Variants in YTHDF1 observed in about 807,000 individuals in gnomAD.
YTHDF1 encodes YTH N6-methyladenosine RNA binding protein F1, also known as YTH domain-containing family protein 1.
A neutral mutation model predicts 49.1 loss-of-function variants in YTHDF1; 16 were observed. The ratio of observed to expected loss-of-function variants is 0.33; its 90% CI spans 0.22 to 0.49. YTHDF1 has a LOEUF of 0.49. Ranked by LOEUF, YTHDF1 falls within the 20% of genes least tolerant of loss-of-function variation. The probability of loss-of-function intolerance (pLI) is 0.99; values close to 1 mark genes in which losing one functional copy is unlikely to be tolerated. For missense variants in YTHDF1, 621 were observed against 744.3 expected, an observed-to-expected ratio of 0.83 and a Z score of 1.93; for synonymous variants, 313 against 290.1, an observed-to-expected ratio of 1.08 and a Z score of -0.80.
intron 2 of YTHDF1, chr20:63,214,170 A>C: frequency 3.2e-6 from 3 of 933,958 alleles, no homozygotes; most frequent in Non-Finnish European, 3.8e-6. Flanking sequence ...CTTAATCGTA[A>C]TTTGGTGAGA....
intron 2 of YTHDF1, chr20:63,214,225 C>T (rs566847350): frequency 1.5e-6 from 1 of 652,446 alleles, no homozygotes; most frequent in African/African-American, 2.0e-5. Context: ...AACACATAAC[C>T]AGGGTGAAAA....
intron 3 of YTHDF1, among the ~76,000 whole-genome samples, chr20:63,213,496 C>T (rs1051869657): frequency 6.6e-6 from 1 of 152,204 alleles, no homozygotes; most frequent in Non-Finnish European, 1.5e-5. Context: ...CAGCTCTTAG[C>T]TGCCTCCCCA....
At chr20:63,199,336 G>A (rs193097033) in intron 4 of YTHDF1, among the ~76,000 whole-genome samples, 4 of 152,054 alleles carry the variant, frequency 2.6e-5, no homozygotes, top group East Asian at 3.9e-4. Context: ...TGGCTAACAC[G>A]GTGAAACCCC....
chr20:63,202,148 C>A (rs114917685), intron 4 of YTHDF1, 139 bp downstream of exon 4: 28,706 of 1,185,958 alleles, frequency 0.024, 439 homozygotes, highest in Middle Eastern at 0.039. Context: ...GGCCCGCCCA[C>A]CTGCGGCCAA....
Position 63,205,012 on chromosome 20 carries a change from A to G in YTHDF1, c.133-1205T>C, listed in dbSNP as rs574351544. 1.4e-4 allele frequency among the ~76,000 whole-genome samples: 21 copies of G among 152,102 alleles called. No individual in the cohort carries two copies. In the East Asian group the frequency reaches 3.9e-3, roughly 28 times the overall value. ...TGAGAGTGCCAAGATGCTATTACAG[A>G]AAACAGAGCCGGAAGTAAAACACGG... On this transcript the variant is annotated intron_variant, in intron 3 of 4. Transcript: ENST00000370339.
Position 63,202,356 on chromosome 20 carries a change from G to A in YTHDF1, c.1584C>T (p.His528=), listed in dbSNP as rs1378892415. 1.9e-6 allele frequency: 3 copies of A among 1,614,280 alleles called. No homozygotes were observed. Among genetic ancestry groups the A allele is most frequent in the East Asian group, 2.2e-5 (1 of 44,888 alleles). The stretch of plus-strand genomic sequence containing the variant: ...CAAAGTCGTCGAAGATGGAGGTTGT[G>A]TGCTTGTAGGAACTGATAATTTTCA... ...QVLKIISSYK[H]TTSIFDDFAH... Residue 528 remains histidine (H), a synonymous_variant, in exon 4 of 5, where the codon CAC becomes CAT. Coordinates refer to ENST00000370339, the MANE Select transcript of YTHDF1 (RefSeq NM_017798.4).
intron 4 of YTHDF1, among the ~76,000 whole-genome samples, chr20:63,201,479 G>C (rs2122974835): frequency 6.6e-6 from 1 of 152,310 alleles, no homozygotes; most frequent in East Asian, 1.9e-4. Context: ...CATTGCTGGT[G>C]CCAGTTTACG....
chr20:63,211,760 C>T (rs181924876), intron 3 of YTHDF1, among the ~76,000 whole-genome samples: 2 of 152,208 alleles, frequency 1.3e-5, no homozygotes, highest in Admixed American at 1.3e-4. Context: ...TCAAGACTAG[C>T]CTGAGCAACA....
At chr20:63,212,916 C>G (rs1300785054) in intron 3 of YTHDF1, among the ~76,000 whole-genome samples, 2 of 152,224 alleles carry the variant, frequency 1.3e-5, no homozygotes, top group Non-Finnish European at 2.9e-5. Context: ...AAAATGTCCA[C>G]AGTGCCAAGG....
In YTHDF1 at chr20:63,211,064, A is replaced by G. The variant is rs185092194; in HGVS notation, c.132+2800T>C. Among the ~76,000 whole-genome samples, 56 of 152,166 alleles carry G rather than the reference A, an allele frequency of 3.7e-4. 1 individual carries two copies. The highest frequency in any genetic ancestry group is 5.3e-4 in the Non-Finnish European group (36 of 68,016). On this transcript the variant is annotated intron_variant, in intron 3 of 4. Transcript: ENST00000370339. Reference sequence around the variant, plus strand: ...AGTTAAACCAACCTAACAGGCAGGCATTCTCCTAAGACTTTCTAAACCATT... The same window carrying G: ...AGTTAAACCAACCTAACAGGCAGGCGTTCTCCTAAGACTTTCTAAACCATT...
At chr20:63,202,201 G>C (rs1172835382) in intron 4 of YTHDF1, 86 bp downstream of exon 4, 22 of 1,500,036 alleles carry the variant, frequency 1.5e-5, no homozygotes, top group African/African-American at 5.6e-5. Flanking sequence ...CGGACCTGCC[G>C]CATCTGCTCA....
intron 3 of YTHDF1, among the ~76,000 whole-genome samples, chr20:63,207,482 C>T (rs2066552943): frequency 1.3e-5 from 2 of 149,092 alleles, no homozygotes; most frequent in Non-Finnish European, 3.0e-5. Context: ...CACCCCCCTC[C>T]AAAAAAAAGA....
chr20:63,203,023 G>A lies in YTHDF1; in HGVS notation c.917C>T (p.Pro306Leu), dbSNP rs369531769. The change falls in exon 4 of 5, where the codon CCA becomes CTA. Residue 306 changes from proline (P) to leucine (L), a missense_variant. By Grantham distance (98) the Pro-to-Leu change is moderately conservative. This residue lies in a region of YTHDF1 where 470 missense variants were observed against 495.8 expected (regional missense o/e 0.95). Coordinates refer to ENST00000370339, the MANE Select transcript of YTHDF1 (RefSeq NM_017798.4). This position sits in a 1 kb window ranked among gnomAD's most constrained non-coding sequence, Gnocchi z 4.4. Reference protein sequence around the residue: ...PQPQQVAQPLPAQPPALAQPQ... With the variant: ...PQPQQVAQPLLAQPPALAQPQ... ...TTGAGCCAAAGCTGGGGGCTGTGCT[G>A]GGAGAGGCTGAGCCACCTGCTGGGG... 5 of 1,609,164 alleles carry A rather than the reference G, an allele frequency of 3.1e-6. No individual in the cohort carries two copies. The African/African-American group carries it at 6.7e-5, about 21-fold the overall frequency.
chr20:63,216,099 G>GTCC lies in YTHDF1; in HGVS notation c.-208_-207insGGA. ...GCCCGGGACGCGGACGCACTGAGGA[G>GTCC]GCGTCGACTCCAATGGCGGCGGCGG... On this transcript the variant is annotated 5_prime_UTR_variant, in exon 1 of 5. Coordinates refer to ENST00000370339, the MANE Select transcript of YTHDF1 (RefSeq NM_017798.4). 4.9e-6 allele frequency: 1 copy of GTCC among 204,282 alleles called. No homozygotes were observed. The highest frequency in any genetic ancestry group is 8.6e-6 in the Non-Finnish European group (1 of 116,386). 12.7% of individuals were successfully genotyped at this position (204,282 alleles called of 1,614,324 possible). A position where few individuals can be genotyped will look rare whatever the true frequency, so the allele number is the denominator to read the frequency against.
chr20:63,202,246 G>A (rs752452629), intron 4 of YTHDF1, 41 bp downstream of exon 4: 17 of 1,583,824 alleles, frequency 1.1e-5, no homozygotes, highest in Admixed American at 1.7e-5. Context: ...CGGCACCAAG[G>A]ACACATCTGC....
intron 3 of YTHDF1, among the ~76,000 whole-genome samples, chr20:63,207,999 A>C (rs1036513551): frequency 6.6e-6 from 1 of 152,130 alleles, no homozygotes; most frequent in Admixed American, 6.5e-5. Context: ...TCAAAAAAAA[A>C]AAAACAAAAA....
In YTHDF1 at chr20:63,202,482, A is replaced by G. The variant is rs149892728; in HGVS notation, c.1458T>C (p.Asn486=). 3.5e-4 allele frequency: 569 copies of G among 1,614,226 alleles called. 1 individual carries two copies. In the African/African-American group the frequency reaches 6.6e-3, roughly 19 times the overall value. The change falls in exon 4 of 5, where the codon AAT becomes AAC. Residue 486 remains asparagine (N), a synonymous_variant. Transcript: ENST00000370339. The part of the protein sequence containing the change: ...VQWIFVKDVP[N]NQLRHIRLEN... Reference sequence around the variant, plus strand: ...CCAGCCTGATGTGCCGGAGCTGGTTATTGGGTACATCCTTAACAAAAATCC... The same window carrying G: ...CCAGCCTGATGTGCCGGAGCTGGTTGTTGGGTACATCCTTAACAAAAATCC...
intron 3 of YTHDF1, among the ~76,000 whole-genome samples, chr20:63,206,592 G>A (rs1291408451): frequency 6.6e-6 from 1 of 152,232 alleles, no homozygotes; most frequent in African/African-American, 2.4e-5. Flanking sequence ...AGAAGACGGT[G>A]ACGCTAATCA....
intron 3 of YTHDF1, among the ~76,000 whole-genome samples, chr20:63,213,452 A>T (rs2066585489): frequency 6.6e-6 from 1 of 152,186 alleles, no homozygotes; most frequent in Admixed American, 6.5e-5. Flanking sequence ...ACTGAAACCC[A>T]GGCGGCCTCT....
Sources: gnomAD v4.1 joint callset for allele counts (sites outside exome capture counted in the v4.1 genomes callset) on GRCh38, gnomAD v4.1.1 for gene constraint, gnomAD v4.1.1 regional missense constraint, Gnocchi (gnomAD v3.1) non-coding constraint, MANE v1.5 for transcripts, NCBI Gene and HGNC (gene_info 2026-07-23, HGNC 2026-07-21) for gene names.